PCGF3: variants seen among roughly 807,000 people sequenced by gnomAD.
PCGF3 encodes polycomb group ring finger 3, also known as polycomb group RING finger protein 3.
A neutral mutation model predicts 33.1 loss-of-function variants in PCGF3; 7 were observed. The ratio of observed to expected loss-of-function variants is 0.21; its 90% confidence interval spans 0.12 to 0.40. PCGF3 has a LOEUF of 0.40. PCGF3 is among the 10% of genes least tolerant of loss of function. The pLI, the probability that PCGF3 is intolerant of heterozygous loss-of-function variation, is 1.00. For missense variants in PCGF3, 211 were observed against 313.3 expected, an observed-to-expected ratio of 0.67 and a Z score of 2.46; for synonymous variants, 153 against 121.3, an observed-to-expected ratio of 1.26 and a Z score of -1.72.
At chr4:754,953 C>G (rs1188841689) in intron 8 of PCGF3, among the ~76,000 whole-genome samples, 1 of 152,216 alleles carries the variant, frequency 6.6e-6, no homozygotes, top group East Asian at 1.9e-4. Context: ...GATGGCAGAT[C>G]TTGGGCTCTT....
chr4:712,421 G>T (rs183762258), intron 1 of PCGF3, among the ~76,000 whole-genome samples: 1 of 151,970 alleles, frequency 6.6e-6, no homozygotes, highest in African/African-American at 2.4e-5. Context: ...TCTAATATTC[G>T]TGTTTGTTTG....
At chr4:724,155 G>C (rs1743230360) in intron 1 of PCGF3, 1 of 152,458 alleles carries the variant, frequency 6.6e-6, no homozygotes, top group African/African-American at 2.4e-5. Flanking sequence ...CAGCCGGGAG[G>C]GGGCACGGAG....
chr4:708,333 G>A (rs1424674166), intron 1 of PCGF3, among the ~76,000 whole-genome samples: 1 of 152,130 alleles, frequency 6.6e-6, no homozygotes, highest in African/African-American at 2.4e-5. Context: ...AGTCACTGAG[G>A]AGCATGTAGG....
At chr4:728,908 T>C (rs1743436596) in intron 1 of PCGF3, among the ~76,000 whole-genome samples, 1 of 151,980 alleles carries the variant, frequency 6.6e-6, no homozygotes, top group South Asian at 2.1e-4. Flanking sequence ...GAGACCAGCC[T>C]GGGCAACATG....
At chr4:764,808 C>T (rs1480059280) in intron 9 of PCGF3, 176 bp from the exon 10 acceptor site, 5 of 586,204 alleles carry the variant, frequency 8.5e-6, no homozygotes, top group Admixed American at 2.9e-5. Flanking sequence ...CACACTCCAT[C>T]TCTAGGCTGT....
chr4:755,763 G>A (rs766143675), intron 8 of PCGF3, among the ~76,000 whole-genome samples: 1 of 152,038 alleles, frequency 6.6e-6, no homozygotes, highest in African/African-American at 2.4e-5. Context: ...TGGGCTCTCT[G>A]CTCTGTTCCG....
At chr4:734,348 G>A (rs1743745389) in intron 4 of PCGF3, 3 of 1,432,646 alleles carry the variant, frequency 2.1e-6, no homozygotes, top group Non-Finnish European at 2.7e-6. Flanking sequence ...GACGACCGCT[G>A]TGTGCGTCTC....
intron 9 of PCGF3, among the ~76,000 whole-genome samples, chr4:763,039 T>C (rs1036990797): frequency 2.0e-5 from 3 of 151,350 alleles, no homozygotes; most frequent in Admixed American, 6.6e-5. Flanking sequence ...CAGCCTTGAG[T>C]GTCCCACAGG....
intron 8 of PCGF3, among the ~76,000 whole-genome samples, chr4:753,745 C>A (rs183079509): frequency 6.6e-6 from 1 of 151,826 alleles, no homozygotes; most frequent in Admixed American, 6.6e-5. Context: ...CTCAGGAGTG[C>A]GAGACCAGCC....
chr4:707,415 G>A (rs1194845980), intron 1 of PCGF3, among the ~76,000 whole-genome samples: 2 of 152,226 alleles, frequency 1.3e-5, no homozygotes, highest in Non-Finnish European at 2.9e-5. Flanking sequence ...AGTCCTGTGA[G>A]CACTGCTGGG....
intron 1 of PCGF3, among the ~76,000 whole-genome samples, chr4:718,943 T>C (rs1386405450): frequency 2.6e-5 from 4 of 152,198 alleles, no homozygotes; most frequent in African/African-American, 4.8e-5. Flanking sequence ...TTCATTTTCT[T>C]TTTTTTCTTT....
intron 8 of PCGF3, among the ~76,000 whole-genome samples, chr4:755,665 G>T (rs1307098307): frequency 6.6e-6 from 1 of 151,846 alleles, no homozygotes; most frequent in Admixed American, 6.6e-5. Context: ...CTTTTTAGTT[G>T]GGTTGTAAGC....
chr4:743,548 T>C, exon 7 of PCGF3: 1 of 1,612,636 alleles, frequency 6.2e-7, no homozygotes, highest in Non-Finnish European at 8.5e-7. Context: ...GGGGGAGACC[T>C]GCTCTGCAAA....
intron 9 of PCGF3, among the ~76,000 whole-genome samples, chr4:763,689 C>G (rs1377108340): frequency 6.6e-6 from 1 of 152,214 alleles, no homozygotes; most frequent in Non-Finnish European, 1.5e-5. Flanking sequence ...CTCGGCAAAC[C>G]ACCCAGCAGC....
intron 1 of PCGF3, among the ~76,000 whole-genome samples, chr4:714,825 C>T (rs1044183781): frequency 1.3e-5 from 2 of 152,260 alleles, no homozygotes; most frequent in African/African-American, 4.8e-5. Context: ...TTTGAGGTAG[C>T]TTATTTGGGA....
chr4:734,416 T>C (rs535151551), intron 4 of PCGF3: 86 of 1,339,576 alleles, frequency 6.4e-5, no homozygotes, highest in Non-Finnish European at 8.0e-5. Context: ...TGTACGCTTA[T>C]AATACAAGTG....
intron 8 of PCGF3, among the ~76,000 whole-genome samples, chr4:760,065 A>T (rs1164452445): frequency 1.3e-5 from 2 of 152,112 alleles, no homozygotes; most frequent in African/African-American, 4.8e-5. Context: ...CGGAGCAAGG[A>T]TGTCTCTTGC....
At chr4:761,341 C>T (rs2242234) in exon 9 of PCGF3, 96,347 of 1,610,694 alleles carry the variant, frequency 0.06, 3,446 homozygotes, top group East Asian at 0.15. Flanking sequence ...AGTGGATCCG[C>T]TGCTCAGCCC....
rs71640348 is a variant in PCGF3, at chr4:749,476, CTTTTT to C, written c.462+4808_462+4812del. On this transcript the variant is annotated intron_variant, in intron 8 of 10. Transcript: ENST00000362003. ...ACCATGCCCTGCTGAATTTTCTTTC[CTTTTT>C]TTTTTTTTTTTTTTTTTTTGAGACA... 2.0e-4 allele frequency among the ~76,000 whole-genome samples: 15 copies of C among 75,476 alleles called. No homozygotes were observed. The South Asian group carries it at 3.1e-3, about 16-fold the overall frequency. 49.5% of individuals were successfully genotyped at this position (75,476 alleles called of 152,430 possible). A position where few individuals can be genotyped will look rare whatever the true frequency, so the allele number is the denominator to read the frequency against.
Sources: gnomAD v4.1 joint callset for allele counts (sites outside exome capture counted in the v4.1 genomes callset) on GRCh38, gnomAD v4.1.1 for gene constraint, MANE v1.5 for transcripts, NCBI Gene and HGNC (gene_info 2026-07-23, HGNC 2026-07-21) for gene names.